SLC9C1: variants seen among roughly 807,000 people sequenced by gnomAD.
The protein encoded by SLC9C1 is sodium/hydrogen exchanger 10.
Under a neutral mutation model 140.9 loss-of-function variants are expected in SLC9C1, and 97 were observed. The observed-to-expected ratio is 0.69, with a 90% CI of 0.58 to 0.82. SLC9C1 has a LOEUF of 0.82. Ranked by LOEUF, SLC9C1 falls within the 40% of genes least tolerant of loss-of-function variation. The pLI, the probability that SLC9C1 is intolerant of heterozygous loss-of-function variation, is 0.00. For synonymous variants in SLC9C1, 440 were observed against 442.6 expected (o/e 0.99, Z 0.07); for missense variants, 1,340 against 1,389.3 (o/e 0.96, Z 0.56).
intron 20 of SLC9C1, among the ~76,000 whole-genome samples, chr3:112,191,552 A>G (rs1226550758): frequency 6.6e-6 from 1 of 152,124 alleles, no homozygotes; most frequent in Admixed American, 6.5e-5. Context: ...CACTTTACCA[A>G]TTGTGGTGAA....
At position 112,231,456 on chromosome 3, in the gene SLC9C1, T is replaced by C. The variant is rs776640994; in HGVS notation, c.1477A>G (p.Lys493Glu). ...LNEEETTEHQKVKCPHCNKEI... is the reference protein window; with the variant it reads ...LNEEETTEHQEVKCPHCNKEI... ...TTGTTACAGTGTGGACATTTCACCT[T>C]CTGATGTTCTGTTGTTTCTTCTTCG... Residue 493 changes from lysine (K) to glutamate (E), a missense_variant, in exon 13 of 29, where the codon AAG (lysine) becomes GAG (glutamate). Physicochemically the swap from Lys to Glu is moderately conservative, Grantham distance 56 (BLOSUM62 1). Transcript: ENST00000305815. The C allele has an allele frequency of 3.0e-5, 49 of 1,612,312 alleles. No individual in the cohort carries two copies. In the South Asian group the frequency reaches 5.1e-4, roughly 17 times the overall value.
intron 6 of SLC9C1, among the ~76,000 whole-genome samples, chr3:112,271,137 G>C (rs1203521730): frequency 6.6e-6 from 1 of 152,014 alleles, no homozygotes; most frequent in Non-Finnish European, 1.5e-5. Context: ...TACAGAAATA[G>C]AGAGTAGAAT....
At chr3:112,170,671 A>C (rs1373816335) in intron 23 of SLC9C1, among the ~76,000 whole-genome samples, 1 of 152,232 alleles carries the variant, frequency 6.6e-6, no homozygotes, top group East Asian at 1.9e-4. Context: ...GGCAAAAATA[A>C]AATGCTTATG....
intron 19 of SLC9C1, 90 bp downstream of exon 19, chr3:112,200,621 C>T: frequency 8.2e-7 from 1 of 1,212,590 alleles, no homozygotes; most frequent in Non-Finnish European, 1.2e-6. Context: ...TAGGTTTCCT[C>T]AAAGATTAGC....
At chr3:112,270,628 C>A (rs2080045440) in intron 6 of SLC9C1, among the ~76,000 whole-genome samples, 1 of 152,102 alleles carries the variant, frequency 6.6e-6, no homozygotes, top group Non-Finnish European at 1.5e-5. Flanking sequence ...CCAGCCTGGC[C>A]AACATGGCGA....
intron 20 of SLC9C1, among the ~76,000 whole-genome samples, chr3:112,190,962 C>CACACACACAT: frequency 7.2e-6 from 1 of 139,678 alleles, no homozygotes; most frequent in East Asian, 2.0e-4. Context: ...CACACACACA[C>CACACACACAT]ACATATATAT....
At chr3:112,287,941 G>T (rs1056244763) in intron 1 of SLC9C1, among the ~76,000 whole-genome samples, 1 of 150,998 alleles carries the variant, frequency 6.6e-6, no homozygotes, top group African/African-American at 2.4e-5. Flanking sequence ...TACTCGGGAG[G>T]CTGAGGCAGG....
At chr3:112,205,744 C>A (rs1279180152) in intron 16 of SLC9C1, among the ~76,000 whole-genome samples, 3 of 141,362 alleles carry the variant, frequency 2.1e-5, no homozygotes, top group South Asian at 2.6e-4. Flanking sequence ...GAAAAACAAG[C>A]AATGGGGAAA....
At chr3:112,217,668 GGAAGA>G in intron 14 of SLC9C1, 107 bp from the exon 15 acceptor site, 3 of 1,000,288 alleles carry the variant, frequency 3.0e-6, no homozygotes, top group Non-Finnish European at 2.8e-6. Context: ...GCACAAAACA[GGAAGA>G]CTATTTTGTG....
chr3:112,172,761 G>C (rs566113749), intron 23 of SLC9C1, among the ~76,000 whole-genome samples: 4 of 151,938 alleles, frequency 2.6e-5, no homozygotes, highest in African/African-American at 4.8e-5. Context: ...GTTACATTTT[G>C]TAAAATTCTC....
chr3:112,148,164 G>A (rs1288216605), intron 28 of SLC9C1, among the ~76,000 whole-genome samples: 2 of 151,930 alleles, frequency 1.3e-5, no homozygotes, highest in African/African-American at 4.8e-5. Flanking sequence ...TCATTTCCTG[G>A]ATTGTTTTAA....
At chr3:112,182,316 A>G in intron 20 of SLC9C1, 58 bp from the exon 21 acceptor site, 1 of 1,532,370 alleles carries the variant, frequency 6.5e-7, no homozygotes, top group South Asian at 1.3e-5. Flanking sequence ...AGAATGTTTA[A>G]GGCAGACAGG....
chr3:112,195,848 AAAT>A (rs1252868706), intron 20 of SLC9C1, among the ~76,000 whole-genome samples: 1 of 152,168 alleles, frequency 6.6e-6, no homozygotes, highest in African/African-American at 2.4e-5. Flanking sequence ...TCCAAAGTTA[AAAT>A]AATATTAGTT....
At position 112,263,087 on chromosome 3, in the gene SLC9C1, A is replaced by G; in HGVS notation, c.1034T>C (p.Leu345Pro). 6.4e-7 allele frequency: 1 copy of G among 1,566,548 alleles called. No individual in the cohort carries two copies. The highest frequency in any genetic ancestry group is 1.2e-5 in the South Asian group (1 of 82,374). The change falls in exon 10 of 29, where the codon CTT becomes CCT. Residue 345 changes from leucine to proline, a missense_variant. Transcript: ENST00000305815. ...LTLIVLRFLT[L>P]LLISPVLSRV... ...AGACAAAACAGGGCTTATTAAAAGA[A>G]GGGTCAGAAATCTAAAAGACAAAAC...
At chr3:112,286,108 A>G (rs1170218255) in intron 2 of SLC9C1, among the ~76,000 whole-genome samples, 1 of 152,064 alleles carries the variant, frequency 6.6e-6, no homozygotes, top group Non-Finnish European at 1.5e-5. Flanking sequence ...CTATATCAAA[A>G]GCTTTGAAAT....
intron 23 of SLC9C1, among the ~76,000 whole-genome samples, chr3:112,170,560 A>G (rs1174437279): frequency 1.3e-5 from 2 of 152,164 alleles, no homozygotes; most frequent in African/African-American, 2.4e-5. Flanking sequence ...CATATTTTTT[A>G]TAAGATAAAA....
chr3:112,247,149 G>A (rs1304792920), intron 10 of SLC9C1, among the ~76,000 whole-genome samples: 1 of 152,152 alleles, frequency 6.6e-6, no homozygotes, highest in East Asian at 1.9e-4. Context: ...GCTAATTTTA[G>A]AAAATAAGCA....
intron 16 of SLC9C1, among the ~76,000 whole-genome samples, chr3:112,206,489 C>T (rs1216003430): frequency 6.6e-6 from 1 of 152,158 alleles, no homozygotes; most frequent in East Asian, 1.9e-4. Context: ...CATCCCATTA[C>T]TGGGTAGATA....
intron 13 of SLC9C1, among the ~76,000 whole-genome samples, chr3:112,222,085 A>G (rs879711907): frequency 6.6e-6 from 1 of 152,162 alleles, no homozygotes; most frequent in Admixed American, 6.6e-5. Context: ...CAGGAATTCA[A>G]TAGAGTACAC....
Sources: gnomAD v4.1 joint callset for allele counts (sites outside exome capture counted in the v4.1 genomes callset) on GRCh38, gnomAD v4.1.1 for gene constraint, MANE v1.5 for transcripts, NCBI Gene and HGNC (gene_info 2026-07-23, HGNC 2026-07-21) for gene names.